The following AK5 variants were observed in gnomAD, a reference collection of about 807,000 sequenced individuals.
AK5 encodes the protein adenylate kinase isoenzyme 5.
A neutral mutation model predicts 69.5 loss-of-function variants in AK5; 27 were observed. That is an observed-to-expected ratio of 0.39 (90% CI 0.29 to 0.54). The LOEUF is 0.54. Ranked by LOEUF, AK5 falls within the 20% of genes least tolerant of loss-of-function variation. AK5 has a pLI of 0.71. For missense variants in AK5, 531 were observed against 700.4 expected (o/e 0.76, Z 2.73); for synonymous variants, 260 against 244.4 (o/e 1.06, Z -0.60).
intron 10 of AK5, among the ~76,000 whole-genome samples, chr1:77,506,820 G>A (rs2803167): frequency 0.025 from 3,748 of 152,190 alleles, 105 homozygotes; most frequent in African/African-American, 0.08. Context: ...CCAAGATGGC[G>A]AAACCCCATC....
In AK5 at chr1:77,535,989, C is replaced by T. The variant is rs751611594; in HGVS notation, c.1571C>T (p.Ala524Val). The T allele has an allele frequency of 3.7e-6, 6 of 1,613,792 alleles. No homozygotes were observed. Among genetic ancestry groups the T allele is most frequent in the East Asian group, 2.2e-5 (1 of 44,882 alleles). Residue 524 changes from alanine to valine, a missense_variant, in exon 13 of 14, where the codon GCG (alanine) becomes GTG (valine). By Grantham distance (64) the Ala-to-Val change is moderately conservative. Transcript: ENST00000354567. Reference sequence around the variant, plus strand: ...AAGCGCCTAGAAGCCTACTACCGAGCGTCCATCCCCGTGATCGCCTACTAC... The same window carrying T: ...AAGCGCCTAGAAGCCTACTACCGAGTGTCCATCCCCGTGATCGCCTACTAC... ...IAKRLEAYYR[A>V]SIPVIAYYET... is the part of the protein sequence containing the mutation.
intron 13 of AK5, among the ~76,000 whole-genome samples, chr1:77,557,851 C>A (rs983265029): frequency 6.6e-6 from 1 of 152,160 alleles, no homozygotes; most frequent in Admixed American, 6.5e-5. Context: ...TTCCCATATA[C>A]TAGTTACACT....
intron 6 of AK5, among the ~76,000 whole-genome samples, chr1:77,387,044 T>C (rs1218726613): frequency 2.0e-5 from 3 of 152,226 alleles, no homozygotes; most frequent in Non-Finnish European, 2.9e-5. Context: ...TATGGCTGAA[T>C]AGAATTCCAT....
chr1:77,541,098 G>A (rs989315054), intron 13 of AK5, among the ~76,000 whole-genome samples: 4 of 152,016 alleles, frequency 2.6e-5, no homozygotes, highest in African/African-American at 9.7e-5. Context: ...ATTAGAGATG[G>A]GGTTTCTCTT....
chr1:77,557,429 G>A (rs558877444), intron 13 of AK5: 5 of 167,278 alleles, frequency 3.0e-5, no homozygotes, highest in African/African-American at 1.2e-4. Context: ...GGTGCTTCCC[G>A]TGCTTGGCCA....
At position 77,518,644 on chromosome 1, in the gene AK5, C is replaced by G. The variant is rs1344725582; in HGVS notation, c.1228C>G (p.Leu410Val). Residue 410 changes from leucine to valine, a missense_variant, in exon 11 of 14, where the codon CTC becomes GTC. Transcript: ENST00000354567. ...YGFTHLSTGE[L>V]LREELASESE... ...ATTTACACATCTCTCAACTGGCGAG[C>G]TCCTGCGTGAGGAACTGGCATCAGA... 6.2e-7 allele frequency: 1 copy of G among 1,614,170 alleles called. No individual in the cohort carries two copies. The highest frequency in any genetic ancestry group is 1.3e-5 in the African/African-American group (1 of 75,032).
At chr1:77,548,462 A>T (rs1659651300) in intron 13 of AK5, among the ~76,000 whole-genome samples, 2 of 152,180 alleles carry the variant, frequency 1.3e-5, no homozygotes, top group South Asian at 4.1e-4. Flanking sequence ...GCAGTGAGGG[A>T]TCCCTGTGGT....
At chr1:77,292,329 C>T (rs1218030156) in intron 2 of AK5, among the ~76,000 whole-genome samples, 2 of 152,196 alleles carry the variant, frequency 1.3e-5, no homozygotes, top group Non-Finnish European at 2.9e-5. Flanking sequence ...CATCTGCAGA[C>T]TACCCAGTGC....
chr1:77,518,823 C>A, intron 11 of AK5, 96 bp downstream of exon 11: 1 of 1,253,960 alleles, frequency 8.0e-7, no homozygotes, highest in Non-Finnish European at 1.1e-6. Flanking sequence ...ACTAAGAAAC[C>A]CAAAGAAACA....
intron 8 of AK5, among the ~76,000 whole-genome samples, chr1:77,439,016 C>T (rs1652141449): frequency 6.6e-6 from 1 of 152,108 alleles, no homozygotes; most frequent in South Asian, 2.1e-4. Context: ...AAAGGCGACT[C>T]GTAGAAACGA....
chr1:77,373,878 C>A (rs1647172377), intron 6 of AK5, among the ~76,000 whole-genome samples: 1 of 152,142 alleles, frequency 6.6e-6, no homozygotes, highest in Admixed American at 6.5e-5. Context: ...CCATATTCTT[C>A]ATTTTTTAAA....
At chr1:77,321,986 C>T (rs1660559243) in intron 5 of AK5, among the ~76,000 whole-genome samples, 1 of 152,118 alleles carries the variant, frequency 6.6e-6, no homozygotes, top group African/African-American at 2.4e-5. Context: ...TATATATTAG[C>T]AGCAAATTTT....
chr1:77,501,245 A>G (rs1312294795), intron 10 of AK5, among the ~76,000 whole-genome samples: 1 of 152,254 alleles, frequency 6.6e-6, no homozygotes. Context: ...GCCTAGATGC[A>G]TGAATGTGAT....
rs75699565 is a variant in AK5 at position 77,527,550 on chromosome 1, C to A, written c.1428+5607C>A. On this transcript the variant is annotated intron_variant, in intron 12 of 13. Transcript: ENST00000354567. ...ATTCATGATTCCATTTCAAACAACA[C>A]ACAGGTAACACATTTCATTACTGAG... Among the ~76,000 whole-genome samples the A allele has an allele frequency of 5.1e-3, 777 of 152,324 alleles. 9 individuals are homozygous for A. The highest frequency in any genetic ancestry group is 0.018 in the African/African-American group (735 of 41,562).
chr1:77,367,579 A>ATATATATATATATATATATATATATGAT, intron 6 of AK5, among the ~76,000 whole-genome samples: 1 of 53,396 alleles, frequency 1.9e-5, no homozygotes, highest in African/African-American at 1.1e-4. Flanking sequence ...ATATATATAT[A>ATATATATATATATATATATATATATGAT]ATATATATGT....
chr1:77,467,473 C>T (rs1412769300), intron 8 of AK5, among the ~76,000 whole-genome samples: 1 of 152,150 alleles, frequency 6.6e-6, no homozygotes, highest in Non-Finnish European at 1.5e-5. Flanking sequence ...TGGAAATGTG[C>T]CTTTGTGAAG....
rs186346972 is a variant in AK5, at chr1:77,444,748, T to C, written c.1059+27033T>C. Among the ~76,000 whole-genome samples the C allele has an allele frequency of 4.0e-3, 594 of 147,580 alleles. 2 individuals are homozygous for C. The highest frequency in any genetic ancestry group is 0.014 in the African/African-American group (554 of 40,092). ...CAAATATATGTATATATTTGACTTT[T>C]CTGTAGAGATTGGGGGGAGGGTCTC... On this transcript the variant is annotated intron_variant, in intron 8 of 13. Coordinates refer to ENST00000354567, the MANE Select transcript of AK5 (RefSeq NM_174858.3).
At chr1:77,460,848 C>T (rs1653789450) in intron 8 of AK5, among the ~76,000 whole-genome samples, 1 of 151,874 alleles carries the variant, frequency 6.6e-6, no homozygotes, top group Non-Finnish European at 1.5e-5. Flanking sequence ...CTCAGCCTCC[C>T]AAGTAGCTAG....
At chr1:77,440,884 T>C (rs1055906148) in intron 8 of AK5, among the ~76,000 whole-genome samples, 1 of 152,136 alleles carries the variant, frequency 6.6e-6, no homozygotes, top group Admixed American at 6.6e-5. Flanking sequence ...CCCAAGAAGC[T>C]GGGATTACAG....
Sources: gnomAD v4.1 joint callset for allele counts (sites outside exome capture counted in the v4.1 genomes callset) on GRCh38, gnomAD v4.1.1 for gene constraint, MANE v1.5 for transcripts, NCBI Gene and HGNC (gene_info 2026-07-23, HGNC 2026-07-21) for gene names.